Variants in LRRC56 observed in about 807,000 individuals in gnomAD.
LRRC56 encodes leucine rich repeat containing 56.
In LRRC56, 41 loss-of-function variants were observed where a neutral mutation model predicts 47.8. That is an observed-to-expected ratio of 0.86 (90% CI 0.67 to 1.11). The LOEUF (loss-of-function observed/expected upper bound fraction) is 1.11, where lower values mean the gene tolerates loss of function less well. LRRC56 is among the 50% of genes most tolerant of loss of function. LRRC56 has a pLI of 0.00. For synonymous variants in LRRC56, 387 were observed against 311.2 expected (o/e 1.24, Z -2.56); for missense variants, 759 against 704.2 (o/e 1.08, Z -0.88).
the LRRC56 span, among the ~76,000 whole-genome samples, chr11:526,686 C>T: frequency 6.6e-6 from 1 of 152,184 alleles, no homozygotes; most frequent in African/African-American, 2.4e-5. Flanking sequence ...CCTGTAATCC[C>T]AGCACTTTGG....
At chr11:511,373 T>C in the LRRC56 span, among the ~76,000 whole-genome samples, 9 of 151,666 alleles carry the variant, frequency 5.9e-5, no homozygotes, top group African/African-American at 1.9e-4. Flanking sequence ...GTAGCAAATA[T>C]TTGAGAATTC....
rs1851643297 is a variant in LRRC56, at chr11:538,808, GCCACGTGCAGC to G, written c.-206_-196del. The G allele has an allele frequency of 1.4e-5, 2 of 144,224 alleles. No individual in the cohort carries two copies. The highest frequency in any genetic ancestry group is 2.0e-4 in the East Asian group (1 of 5,112). 8.9% of individuals were successfully genotyped at this position (144,224 alleles called of 1,614,324 possible). A position where few individuals can be genotyped will look rare whatever the true frequency, so the allele number is the denominator to read the frequency against. On this transcript the variant is annotated 5_prime_UTR_variant, in exon 2 of 14. The change creates a premature stop within an existing upstream ORF in the 5' untranslated region. Transcript: ENST00000270115. ...AGAGGAGCACGCAGGCCACGTGCAGGCCACGTGCAGCCCACAGCTCTGGGGCGAGGCAGGCC... is the reference window on the plus strand; with the variant it reads ...AGAGGAGCACGCAGGCCACGTGCAGGCCACAGCTCTGGGGCGAGGCAGGCC...
the LRRC56 span, among the ~76,000 whole-genome samples, chr11:526,869 G>A: frequency 2.6e-5 from 4 of 152,010 alleles, no homozygotes; most frequent in African/African-American, 7.2e-5. Flanking sequence ...CCTGGGAGGC[G>A]GAGGTTGCAG....
At chr11:547,089 G>A (rs1286417743) in intron 6 of LRRC56, among the ~76,000 whole-genome samples, 1 of 151,720 alleles carries the variant, frequency 6.6e-6, no homozygotes, top group African/African-American at 2.4e-5. Context: ...GCTTGGGCTT[G>A]GGCTTGGCGG....
intron 13 of LRRC56, among the ~76,000 whole-genome samples, chr11:553,096 G>A (rs897651095): frequency 6.6e-5 from 10 of 152,232 alleles, no homozygotes; most frequent in Admixed American, 5.2e-4. Flanking sequence ...GGGCTGGGAG[G>A]AAAGGCGGCC....
chr11:508,922 G>A, the LRRC56 span, among the ~76,000 whole-genome samples: 1 of 152,112 alleles, frequency 6.6e-6, no homozygotes, highest in Non-Finnish European at 1.5e-5. Context: ...GTGCATGCCT[G>A]TAATCCCAGC....
rs543051114 is a variant in LRRC56 at position 552,099 on chromosome 11, C to T, written c.1048C>T (p.Pro350Ser). 3 of 1,610,284 alleles carry T rather than the reference C, an allele frequency of 1.9e-6. No individual in the cohort carries two copies. The highest frequency in any genetic ancestry group is 2.2e-5 in the South Asian group (2 of 90,960). Residue 350 changes from proline to serine, a missense_variant, in exon 12 of 14, where the codon CCC becomes TCC. Transcript: ENST00000270115. ...CCCTTTTCCTCCCCAGGCCAGGGAG[C>T]CCCCCGAGCAGCTGCCCCAACACAG... ...ERRHQCQAREPPEQLPQHRPG... is the reference protein window; with the variant it reads ...ERRHQCQARESPEQLPQHRPG...
chr11:522,031 T>A, the LRRC56 span, among the ~76,000 whole-genome samples: 8 of 152,080 alleles, frequency 5.3e-5, no homozygotes, highest in African/African-American at 1.7e-4. Flanking sequence ...TAAAAAAATC[T>A]AAATCCAAAT....
chr11:543,371 C>T (rs894302335), intron 5 of LRRC56, among the ~76,000 whole-genome samples: 17 of 151,410 alleles, frequency 1.1e-4, no homozygotes, highest in African/African-American at 3.2e-4. Flanking sequence ...TGTGCCACCA[C>T]GCCCGAGTAA....
the LRRC56 span, among the ~76,000 whole-genome samples, chr11:519,266 TAGA>T: frequency 3.3e-4 from 50 of 149,914 alleles, 1 homozygote; most frequent in African/African-American, 1.2e-3. Context: ...TGAGCTTTAT[TAGA>T]ACGCGGGCTG....
the LRRC56 span, among the ~76,000 whole-genome samples, chr11:513,607 T>C: frequency 1.3e-5 from 2 of 152,138 alleles, no homozygotes; most frequent in South Asian, 2.1e-4. Context: ...GAAGGTCTGC[T>C]GTGGACAAAA....
Position 546,828 on chromosome 11 carries a change from G to A in LRRC56, c.326+2048G>A, listed in dbSNP as rs145445476. Reference sequence around the variant, plus strand: ...AACACTTTGGGAGGCCAAGGCAGGCGGATCACGAGGTCAGGAGTTCAAGAT... The same window carrying A: ...AACACTTTGGGAGGCCAAGGCAGGCAGATCACGAGGTCAGGAGTTCAAGAT... On this transcript the variant is annotated intron_variant, in intron 6 of 13. Coordinates refer to ENST00000270115, the MANE Select transcript of LRRC56 (RefSeq NM_198075.4). Among the ~76,000 whole-genome samples the A allele has an allele frequency of 3.5e-3, 532 of 151,748 alleles. 2 individuals are homozygous for A. Among genetic ancestry groups the A allele is most frequent in the African/African-American group, 0.012 (481 of 41,356 alleles).
chr11:546,226 T>C (rs1246884031), intron 6 of LRRC56, among the ~76,000 whole-genome samples: 2 of 151,092 alleles, frequency 1.3e-5, no homozygotes, highest in African/African-American at 2.4e-5. Context: ...TGAGCTGAGA[T>C]CACACCACTA....
chr11:532,617 G>C (rs587780953), upstream of LRRC56: 5 of 1,607,276 alleles, frequency 3.1e-6, no homozygotes, highest in Admixed American at 6.7e-5. Context: ...GGCCGCCCTG[G>C]GAGTCCCCCT....
At chr11:515,742 G>T in the LRRC56 span, among the ~76,000 whole-genome samples, 1 of 152,142 alleles carries the variant, frequency 6.6e-6, no homozygotes, top group South Asian at 2.1e-4. Flanking sequence ...AGAGGCTGAG[G>T]CAGGAGAATC....
intron 2 of LRRC56, 113 bp downstream of exon 2, chr11:538,973 G>GA (rs1851649625): frequency 6.6e-6 from 1 of 152,314 alleles, no homozygotes; most frequent in Non-Finnish European, 1.5e-5. Flanking sequence ...GAAGACACAT[G>GA]AAGGTGGTCA....
the LRRC56 span, among the ~76,000 whole-genome samples, chr11:530,202 C>T: frequency 6.6e-6 from 1 of 152,134 alleles, no homozygotes; most frequent in East Asian, 1.9e-4. Flanking sequence ...CCCAGCGGGG[C>T]CCTGATACCA....
At chr11:506,837 G>C in the LRRC56 span, 1 of 152,296 alleles carries the variant, frequency 6.6e-6, no homozygotes, top group African/African-American at 2.4e-5. Context: ...CCCCGGGCAA[G>C]GACTTCCGGC....
chr11:532,674 C>A (rs1445835026), upstream of LRRC56: 2 of 1,613,138 alleles, frequency 1.2e-6, no homozygotes, highest in Non-Finnish European at 1.7e-6. Context: ...CAGCCGGGGC[C>A]ACTCTCATCA....
Sources: allele counts gnomAD v4.1 joint callset (sites outside exome capture counted in the v4.1 genomes callset), GRCh38; gene constraint gnomAD v4.1.1; transcripts MANE v1.5; gene names NCBI Gene and HGNC (gene_info 2026-07-23, HGNC 2026-07-21).